The following HS3ST5 variants were observed in gnomAD, a reference collection of about 807,000 sequenced individuals.
The protein encoded by HS3ST5 is heparan sulfate-glucosamine 3-sulfotransferase 5, also known as heparan sulfate glucosamine 3-O-sulfotransferase 5.
A neutral mutation model predicts 25.4 loss-of-function variants in HS3ST5; 10 were observed. The ratio of observed to expected loss-of-function variants is 0.39; its 90% CI spans 0.24 to 0.67. HS3ST5 has a LOEUF of 0.67. HS3ST5 is among the 30% of genes least tolerant of loss of function. HS3ST5 has a pLI of 0.44. For missense variants in HS3ST5, 324 were observed against 420.7 expected (o/e 0.77, Z 2.01); for synonymous variants, 170 against 162.4 (o/e 1.05, Z -0.36).
intron 1 of HS3ST5, among the ~76,000 whole-genome samples, chr6:114,248,188 G>A (rs926232617): frequency 4.2e-5 from 6 of 141,722 alleles, no homozygotes; most frequent in Admixed American, 7.2e-5. Flanking sequence ...GTGACAGAGC[G>A]AGATTCCATC....
chr6:114,140,206 T>C (rs1195187170), intron 3 of HS3ST5, among the ~76,000 whole-genome samples: 2 of 152,214 alleles, frequency 1.3e-5, no homozygotes, highest in Non-Finnish European at 2.9e-5. Flanking sequence ...TAATGTCTAA[T>C]CTATACTGGC....
At chr6:114,261,768 AG>A (rs1773183686) in intron 1 of HS3ST5, among the ~76,000 whole-genome samples, 1 of 152,222 alleles carries the variant, frequency 6.6e-6, no homozygotes, top group Non-Finnish European at 1.5e-5. Flanking sequence ...GTGCTTCAGA[AG>A]GACAAAGCCT....
chr6:114,336,780 G>C (rs999344769), intron 1 of HS3ST5, among the ~76,000 whole-genome samples: 4 of 152,134 alleles, frequency 2.6e-5, no homozygotes, highest in African/African-American at 9.7e-5. Flanking sequence ...GTTGAGGCAT[G>C]TTCAGAATTA....
chr6:114,139,110 A>G (rs926346337), intron 3 of HS3ST5, among the ~76,000 whole-genome samples: 17 of 152,186 alleles, frequency 1.1e-4, no homozygotes, highest in African/African-American at 4.1e-4. Context: ...ATTCAGTCCC[A>G]CAGGAATATC....
At chr6:114,152,158 G>C (rs188932417) in intron 3 of HS3ST5, among the ~76,000 whole-genome samples, 85 of 152,120 alleles carry the variant, frequency 5.6e-4, no homozygotes, top group African/African-American at 2.0e-3. Context: ...TCCTGACCTC[G>C]TGATCGACGC....
chr6:114,133,441 C>T (rs1666227235), intron 3 of HS3ST5, among the ~76,000 whole-genome samples: 1 of 152,182 alleles, frequency 6.6e-6, no homozygotes. Context: ...CACGTATATA[C>T]ACAGTTGCAC....
intron 1 of HS3ST5, among the ~76,000 whole-genome samples, chr6:114,290,905 C>T (rs913704679): frequency 1.8e-4 from 27 of 151,886 alleles, no homozygotes; most frequent in Admixed American, 7.9e-4. Context: ...TGTAAACAAT[C>T]TATTATTTAA....
At chr6:114,108,159 T>A (rs34298844) in intron 3 of HS3ST5, among the ~76,000 whole-genome samples, 38,027 of 151,964 alleles carry the variant, frequency 0.25, 4,876 homozygotes, top group African/African-American at 0.29. Flanking sequence ...AGAGAAAATA[T>A]AAAGAATTAC....
At chr6:114,328,830 C>T (rs752734144) in intron 1 of HS3ST5, among the ~76,000 whole-genome samples, 9 of 152,142 alleles carry the variant, frequency 5.9e-5, no homozygotes, top group Non-Finnish European at 1.3e-4. Context: ...GTGGGATAGG[C>T]AAGGTGACTG....
intron 2 of HS3ST5, among the ~76,000 whole-genome samples, chr6:114,210,235 C>T (rs1346578058): frequency 6.6e-6 from 1 of 152,080 alleles, no homozygotes; most frequent in Non-Finnish European, 1.5e-5. Context: ...CATCTGTGTG[C>T]CCCTCTAGGT....
intron 1 of HS3ST5, among the ~76,000 whole-genome samples, chr6:114,295,639 C>T (rs144864086): frequency 2.0e-5 from 3 of 152,228 alleles, no homozygotes; most frequent in African/African-American, 4.8e-5. Flanking sequence ...GAAATAACAA[C>T]GTGGAGAATA....
intron 3 of HS3ST5, among the ~76,000 whole-genome samples, chr6:114,148,429 G>A (rs1272026067): frequency 6.6e-6 from 1 of 152,138 alleles, no homozygotes; most frequent in East Asian, 1.9e-4. Context: ...GACCAGCCTG[G>A]CCAACATGGT....
chr6:114,177,717 C>T (rs1393612782), intron 2 of HS3ST5, among the ~76,000 whole-genome samples: 1 of 152,136 alleles, frequency 6.6e-6, no homozygotes, highest in East Asian at 1.9e-4. Flanking sequence ...GGAAGAATTT[C>T]CTTTTGTAAG....
intron 3 of HS3ST5, among the ~76,000 whole-genome samples, chr6:114,155,005 C>G (rs1248589777): frequency 6.6e-6 from 1 of 152,166 alleles, no homozygotes; most frequent in African/African-American, 2.4e-5. Flanking sequence ...GCTGGAATGT[C>G]CGCTCTGGGA....
chr6:114,220,075 A>G (rs1781961669), intron 2 of HS3ST5, among the ~76,000 whole-genome samples: 1 of 152,020 alleles, frequency 6.6e-6, no homozygotes, highest in Admixed American at 6.6e-5. Context: ...TTTTCTTACA[A>G]TTTAAATTAT....
intron 1 of HS3ST5, among the ~76,000 whole-genome samples, chr6:114,325,755 T>G (rs1776148450): frequency 6.6e-6 from 1 of 152,152 alleles, no homozygotes; most frequent in African/African-American, 2.4e-5. Context: ...TATTTTCTAT[T>G]TAGAGTTACT....
intron 1 of HS3ST5, among the ~76,000 whole-genome samples, chr6:114,243,686 G>A (rs532098592): frequency 6.6e-6 from 1 of 152,166 alleles, no homozygotes; most frequent in South Asian, 2.1e-4. Context: ...ACCTCTTCCA[G>A]TATCCATGTC....
rs753175182 is a variant in HS3ST5 at position 114,057,902 on chromosome 6, A to G, written c.396T>C (p.Tyr132=). Residue 132 remains tyrosine, a synonymous_variant, in exon 5 of 5, where the codon TAT becomes TAC. Transcript: ENST00000312719. ...TCCTATACCACTCAATGCCCTTACCATAATTCTCATCATTATCAAAAAAGT... is the reference window on the plus strand; with the variant it reads ...TCCTATACCACTCAATGCCCTTACCGTAATTCTCATCATTATCAAAAAAGT... The part of the protein sequence containing the change: ...EIHFFDNDEN[Y]GKGIEWYRKK... 4 of 1,614,172 alleles carry G rather than the reference A, an allele frequency of 2.5e-6. No homozygotes were observed. The highest frequency in any genetic ancestry group is 2.2e-5 in the East Asian group (1 of 44,874).
chr6:114,311,349 A>G (rs1329768043), intron 1 of HS3ST5, among the ~76,000 whole-genome samples: 2 of 152,106 alleles, frequency 1.3e-5, no homozygotes, highest in East Asian at 3.8e-4. Context: ...ATATATACCA[A>G]TATGTTAAGA....
Sources: allele counts gnomAD v4.1 joint callset (sites outside exome capture counted in the v4.1 genomes callset), GRCh38; gene constraint gnomAD v4.1.1; transcripts MANE v1.5; gene names NCBI Gene and HGNC (gene_info 2026-07-23, HGNC 2026-07-21).